CEBPZOS: variants seen among roughly 807,000 people sequenced by gnomAD.
The protein encoded by CEBPZOS is protein CEBPZOS.
A neutral mutation model predicts 4.8 loss-of-function variants in CEBPZOS; 10 were observed. The observed-to-expected ratio is 2.07, with a 90% CI of 1.28 to 3.52. The LOEUF is 3.52. Among genes scored for constraint, CEBPZOS ranks in the 30% most tolerant of loss-of-function variants. CEBPZOS has a pLI of 0.00. For synonymous variants in CEBPZOS, 25 were observed against 14.2 expected (o/e 1.77, Z -1.72); for missense variants, 98 against 43.6 (o/e 2.25, Z -3.51).
At chr2:37,207,799 AT>A (rs1479166900), downstream of CEBPZOS, among the ~76,000 whole-genome samples, 2 of 152,204 alleles carry the variant, frequency 1.3e-5, no homozygotes, top group African/African-American at 4.8e-5. Context: ...GAAATAACAA[AT>A]ATCAGAGCAG....
chr2:37,199,313 C>T (rs1677097324), intron 1 of CEBPZOS, among the ~76,000 whole-genome samples: 1 of 152,174 alleles, frequency 6.6e-6, no homozygotes, highest in African/African-American at 2.4e-5. Context: ...TTTTGTACGG[C>T]ACTTTACAAA....
At chr2:37,210,808 T>C in intron 4 of CEBPZOS, 1 of 483,282 alleles carries the variant, frequency 2.1e-6, no homozygotes, top group Non-Finnish European at 3.7e-6. Context: ...GAAAAGATGA[T>C]CCAGAGATAT....
intron 4 of CEBPZOS, chr2:37,211,350 G>A (rs954494985): frequency 7.0e-6 from 2 of 287,524 alleles, no homozygotes; most frequent in African/African-American, 4.4e-5. Context: ...CTTAAAACAA[G>A]AAACTTCTGC....
chr2:37,211,188 C>G, intron 4 of CEBPZOS: 1 of 648,618 alleles, frequency 1.5e-6, no homozygotes, highest in Admixed American at 3.1e-5. Context: ...AGGCACTATA[C>G]TGCTATTCCA....
In CEBPZOS at chr2:37,202,463, G is replaced by T; in HGVS notation, c.*603G>T. 1 of 190,726 alleles carries T rather than the reference G, an allele frequency of 5.2e-6. No homozygotes were observed. The highest frequency in any genetic ancestry group is 8.9e-5 in the South Asian group (1 of 11,206). 11.8% of individuals were successfully genotyped at this position (190,726 alleles called of 1,614,324 possible). A position where few individuals can be genotyped will look rare whatever the true frequency, so the allele number is the denominator to read the frequency against. ...AGTTCGAGACCAGCCTGGCCAACAT[G>T]GTGAAACCCTGTTTCTACTAAAAAT... On this transcript the variant is annotated 3_prime_UTR_variant, in exon 5 of 5. Transcript: ENST00000402297.
intron 4 of CEBPZOS, chr2:37,211,035 C>G (rs1677705384): frequency 6.2e-7 from 1 of 1,611,056 alleles, no homozygotes; most frequent in African/African-American, 1.3e-5. Flanking sequence ...TCATCTGTAC[C>G]TTTTCTCTTG....
At chr2:37,208,410 ACCAACT>A (rs1677609720), downstream of CEBPZOS, among the ~76,000 whole-genome samples, 1 of 152,196 alleles carries the variant, frequency 6.6e-6, no homozygotes, top group African/African-American at 2.4e-5. Context: ...ATACTAGCTA[ACCAACT>A]CCAACAGCAT....
downstream of CEBPZOS, among the ~76,000 whole-genome samples, chr2:37,205,312 G>C (rs1446630192): frequency 6.6e-6 from 1 of 152,078 alleles, no homozygotes; most frequent in African/African-American, 2.4e-5. Flanking sequence ...CTTAACTGAT[G>C]ACATTCCACC....
intron 1 of CEBPZOS, chr2:37,196,796 C>G (rs1005071185): frequency 6.6e-6 from 1 of 152,392 alleles, no homozygotes; most frequent in Non-Finnish European, 1.5e-5. Context: ...TGAGGGCAGC[C>G]GAGGGCACCA....
intron 3 of CEBPZOS, chr2:37,201,309 C>G (rs932365052): frequency 1.9e-6 from 1 of 535,464 alleles, no homozygotes; most frequent in Non-Finnish European, 3.3e-6. Context: ...ACTCTGGAAT[C>G]ATTCATATAT....
At chr2:37,209,457 T>C (rs1283035851), downstream of CEBPZOS, 2 of 152,124 alleles carry the variant, frequency 1.3e-5, no homozygotes, top group Non-Finnish European at 2.9e-5. Flanking sequence ...CGTAGACCAA[T>C]GGAACAGAAT....
intron 3 of CEBPZOS, 43 bp downstream of exon 3, chr2:37,201,135 T>A (rs1250360340): frequency 1.4e-6 from 1 of 702,866 alleles, no homozygotes; most frequent in Admixed American, 2.2e-5. Flanking sequence ...AACAACTTCT[T>A]CAGGTAACCT....
intron 1 of CEBPZOS, among the ~76,000 whole-genome samples, chr2:37,198,052 G>T (rs1489886912): frequency 6.6e-6 from 1 of 151,068 alleles, no homozygotes; most frequent in East Asian, 2.0e-4. Flanking sequence ...CCCAGCTACT[G>T]GGGAGGCTGA....
chr2:37,201,148 A>G, intron 3 of CEBPZOS, 56 bp downstream of exon 3: 1 of 692,238 alleles, frequency 1.4e-6, no homozygotes, highest in Non-Finnish European at 2.6e-6. Flanking sequence ...GGTAACCTAT[A>G]AATTATGTAG....
At chr2:37,207,641 C>G (rs1274057087), downstream of CEBPZOS, among the ~76,000 whole-genome samples, 2 of 152,138 alleles carry the variant, frequency 1.3e-5, no homozygotes, top group Non-Finnish European at 2.9e-5. Flanking sequence ...CTCTGGGATA[C>G]AGCAAAAGCG....
chr2:37,200,263 G>A (rs922812706), intron 2 of CEBPZOS, among the ~76,000 whole-genome samples: 6 of 152,170 alleles, frequency 3.9e-5, no homozygotes, highest in African/African-American at 1.4e-4. Flanking sequence ...CACATGCTAT[G>A]GCCGAAAGTG....
chr2:37,201,971 G>T lies in CEBPZOS; in HGVS notation c.*111G>T. 1.4e-6 allele frequency: 2 copies of T among 1,468,696 alleles called. No homozygotes were observed. Among genetic ancestry groups the T allele is most frequent in the Non-Finnish European group, 1.9e-6 (2 of 1,080,998 alleles). 91.0% of individuals were successfully genotyped at this position (1,468,696 alleles called of 1,614,324 possible). A position where few individuals can be genotyped will look rare whatever the true frequency, so the allele number is the denominator to read the frequency against. On this transcript the variant is annotated 3_prime_UTR_variant, in exon 5 of 5. Transcript: ENST00000402297. ...GACTCTTGGTGGTCCCACAGAACAT[G>T]CTGCTGAGTCACAGGAACTTCTAGC...
At chr2:37,201,394 T>G (rs559231950) in intron 3 of CEBPZOS, 8 of 500,152 alleles carry the variant, frequency 1.6e-5, no homozygotes, top group Non-Finnish European at 2.5e-5. Flanking sequence ...TGCTAACTTC[T>G]TGGAGCTGTC....
At chr2:37,200,346 A>G (rs1055352924) in intron 2 of CEBPZOS, among the ~76,000 whole-genome samples, 1 of 152,152 alleles carries the variant, frequency 6.6e-6, no homozygotes, top group Non-Finnish European at 1.5e-5. Context: ...ATTTTTCCCT[A>G]AAACAGGGAA....
Sources: gnomAD v4.1 joint callset for allele counts (sites outside exome capture counted in the v4.1 genomes callset) on GRCh38, gnomAD v4.1.1 for gene constraint, MANE v1.5 for transcripts, NCBI Gene and HGNC (gene_info 2026-07-23, HGNC 2026-07-21) for gene names.